The following SLC9A6 variants were observed in gnomAD, a reference collection of about 807,000 sequenced individuals.
SLC9A6 encodes sodium/hydrogen exchanger 6.
Under a neutral mutation model 45.3 loss-of-function variants are expected in SLC9A6, and 6 were observed. The observed-to-expected ratio is 0.13, with a 90% CI of 0.07 to 0.26. SLC9A6 has a LOEUF of 0.26. Among genes scored for constraint, SLC9A6 ranks in the 10% least tolerant of loss-of-function variants. SLC9A6 has a pLI of 1.00. For synonymous variants in SLC9A6, 191 were observed against 187.7 expected (o/e 1.02, Z -0.14); for missense variants, 278 against 503.7 (o/e 0.55, Z 4.29).
At chrX:136,010,277 G>A in intron 7 of SLC9A6, 165 bp from the exon 8 acceptor site, 1 of 471,403 alleles carries the variant, frequency 2.1e-6, no homozygotes. Context: ...TTGCTAGCCA[G>A]ATACATTGCA....
At chrX:136,033,285 C>G in intron 15 of SLC9A6, 129 bp from the exon 16 acceptor site, 1 of 417,647 alleles carries the variant, frequency 2.4e-6, no homozygotes, top group Non-Finnish European at 4.2e-6. Context: ...TATTAAATTT[C>G]TAATGTTACC....
At chrX:135,975,473 A>G (rs1382556583) in intron 1 of SLC9A6, among the ~76,000 whole-genome samples, 1 of 111,920 alleles carries the variant, frequency 8.9e-6, no homozygotes, top group Non-Finnish European at 1.9e-5. Flanking sequence ...TCACCTTCTA[A>G]CATACTATAT....
At chrX:136,020,727 A>G (rs1477819434) in intron 11 of SLC9A6, among the ~76,000 whole-genome samples, 1 of 112,343 alleles carries the variant, frequency 8.9e-6, no homozygotes, top group Non-Finnish European at 1.9e-5. Context: ...ACTTTGAGTT[A>G]TAATACAACT....
chrX:135,976,403 C>A (rs1556613348), intron 1 of SLC9A6, among the ~76,000 whole-genome samples: 1 of 111,234 alleles, frequency 9.0e-6, no homozygotes, highest in Non-Finnish European at 1.9e-5. Flanking sequence ...TTCTTCCAGA[C>A]CAGCCTGGCC....
At chrX:136,044,310 C>T (rs1424495872) in intron 17 of SLC9A6, 142 bp from the exon 18 acceptor site, 1 of 494,094 alleles carries the variant, frequency 2.0e-6, no homozygotes, top group African/African-American at 2.4e-5. Flanking sequence ...TATTTTAAGC[C>T]AAGGTATGGA....
At chrX:136,019,436 G>A in intron 11 of SLC9A6, among the ~76,000 whole-genome samples, 1 of 111,867 alleles carries the variant, frequency 8.9e-6, no homozygotes, top group Non-Finnish European at 1.9e-5. Context: ...CACAAGGGAG[G>A]CTAGGAGTTA....
intron 6 of SLC9A6, among the ~76,000 whole-genome samples, chrX:136,001,581 C>T (rs1349690095): frequency 2.7e-5 from 3 of 111,588 alleles, no homozygotes; most frequent in African/African-American, 9.8e-5. Context: ...AATCCAGCAG[C>T]TGTAATTCTG....
intron 2 of SLC9A6, 39 bp downstream of exon 2, chrX:135,985,866 C>A: frequency 8.3e-7 from 1 of 1,200,100 alleles, no homozygotes; most frequent in Non-Finnish European, 1.1e-6. Flanking sequence ...TGGCGCTGCC[C>A]CTTTCTCTGC....
chrX:135,996,983 G>C (rs1556616629), intron 3 of SLC9A6, among the ~76,000 whole-genome samples: 1 of 110,717 alleles, frequency 9.0e-6, no homozygotes, highest in African/African-American at 3.3e-5. Flanking sequence ...AGCCAGGATG[G>C]TCTCGATCTC....
intron 3 of SLC9A6, 132 bp downstream of exon 3, chrX:135,995,117 A>G (rs1018822032): frequency 4.2e-6 from 2 of 473,581 alleles, no homozygotes; most frequent in Non-Finnish European, 3.7e-6. Flanking sequence ...TAAAACCTCA[A>G]TTAACAAATG....
At chrX:135,998,225 A>G (rs1556616849) in intron 4 of SLC9A6, 40 bp downstream of exon 4, 1 of 821,164 alleles carries the variant, frequency 1.2e-6, no homozygotes, top group Middle Eastern at 2.8e-4. Flanking sequence ...AATAATCTTA[A>G]ACTCAGTGGG....
upstream of SLC9A6, chrX:135,974,488 GC>G: frequency 4.2e-6 from 1 of 237,708 alleles, no homozygotes; most frequent in Non-Finnish European, 8.2e-6. Context: ...AGGAGGTGGG[GC>G]CGAGGGGCGG....
chrX:135,977,664 C>T (rs56165875), intron 1 of SLC9A6, among the ~76,000 whole-genome samples: 2 of 110,873 alleles, frequency 1.8e-5, no homozygotes, highest in East Asian at 5.6e-4. Flanking sequence ...TACTACCTGC[C>T]GAGTAAACTA....
chrX:135,983,281 C>T (rs1427800555), upstream of SLC9A6, among the ~76,000 whole-genome samples: 1 of 111,158 alleles, frequency 9.0e-6, no homozygotes, highest in African/African-American at 3.3e-5. Context: ...CTTGCAATAG[C>T]GTCAGAGCGT....
upstream of SLC9A6, among the ~76,000 whole-genome samples, chrX:135,981,102 A>G: frequency 9.0e-6 from 1 of 111,564 alleles, no homozygotes; most frequent in East Asian, 2.8e-4. Flanking sequence ...CTGTTCTCAC[A>G]CTGCTATAAC....
At chrX:136,020,206 A>G (rs1456997635) in intron 11 of SLC9A6, among the ~76,000 whole-genome samples, 7 of 111,742 alleles carry the variant, frequency 6.3e-5, no homozygotes, top group African/African-American at 2.3e-4. Context: ...CGTGGAAGGA[A>G]GTTGCTATGA....
chrX:135,988,806 G>T (rs1375209066), intron 2 of SLC9A6, among the ~76,000 whole-genome samples: 1 of 108,365 alleles, frequency 9.2e-6, no homozygotes, highest in Admixed American at 1.0e-4. Context: ...GTGTGGGGGG[G>T]TCTTCCCATG....
intron 16 of SLC9A6, among the ~76,000 whole-genome samples, chrX:136,038,915 T>C (rs2071459019): frequency 9.0e-6 from 1 of 110,937 alleles, no homozygotes; most frequent in Non-Finnish European, 1.9e-5. Context: ...ATCATTCCAG[T>C]TTTTTAGTAG....
chrX:136,002,776 GTCT>G (rs1208521439), intron 7 of SLC9A6, among the ~76,000 whole-genome samples: 2 of 110,264 alleles, frequency 1.8e-5, no homozygotes, highest in African/African-American at 6.6e-5. Flanking sequence ...GCCCAGGCTG[GTCT>G]TCTCCTGACC....
Sources: allele counts gnomAD v4.1 joint callset (sites outside exome capture counted in the v4.1 genomes callset), GRCh38; gene constraint gnomAD v4.1.1; transcripts MANE v1.5; gene names NCBI Gene and HGNC (gene_info 2026-07-23, HGNC 2026-07-21).